The following CDK6 variants were observed in gnomAD, a reference collection of about 807,000 sequenced individuals.
The protein encoded by CDK6 is cyclin-dependent kinase 6.
A neutral mutation model predicts 37.1 loss-of-function variants in CDK6; 6 were observed. The observed-to-expected ratio is 0.16, with a 90% confidence interval of 0.09 to 0.32. The LOEUF (loss-of-function observed/expected upper bound fraction) is 0.32, where lower values mean the gene tolerates loss of function less well. CDK6 is among the 10% of genes least tolerant of loss of function. The pLI is 1.00. For synonymous variants in CDK6, 160 were observed against 161.3 expected (o/e 0.99, Z 0.06); for missense variants, 224 against 418.9 (o/e 0.53, Z 4.06).
intron 2 of CDK6, among the ~76,000 whole-genome samples, chr7:92,787,120 T>C (rs1179942685): frequency 6.8e-6 from 1 of 146,342 alleles, no homozygotes; most frequent in Non-Finnish European, 1.5e-5. Context: ...AGGCGGAGGT[T>C]GCCGTGAGCA....
At chr7:92,682,682 G>A (rs1241954768) in intron 4 of CDK6, among the ~76,000 whole-genome samples, 1 of 152,166 alleles carries the variant, frequency 6.6e-6, no homozygotes, top group Non-Finnish European at 1.5e-5. Context: ...CAGCAGAATG[G>A]AGAGTTACAG....
At chr7:92,726,355 T>C (rs1204801817) in intron 3 of CDK6, among the ~76,000 whole-genome samples, 1 of 152,318 alleles carries the variant, frequency 6.6e-6, no homozygotes, top group East Asian at 1.9e-4. Context: ...AAGAAACTGA[T>C]ACACAGATGT....
chr7:92,660,573 G>T (rs1011122610), intron 5 of CDK6, among the ~76,000 whole-genome samples: 4 of 152,122 alleles, frequency 2.6e-5, no homozygotes, highest in African/African-American at 9.7e-5. Context: ...GTGATAATAA[G>T]AATATTAATT....
At chr7:92,623,916 A>ATT (rs1795865632) in intron 5 of CDK6, among the ~76,000 whole-genome samples, 1 of 152,162 alleles carries the variant, frequency 6.6e-6, no homozygotes, top group African/African-American at 2.4e-5. Context: ...TTCCTCAACA[A>ATT]ATGCCATAAA....
chr7:92,655,034 C>G (rs1045305642), intron 5 of CDK6, among the ~76,000 whole-genome samples: 1 of 143,770 alleles, frequency 7.0e-6, no homozygotes, highest in African/African-American at 2.6e-5. Flanking sequence ...TTTGTAGAGA[C>G]AGAGTCTCCC....
At chr7:92,818,648 T>C (rs183525386) in intron 2 of CDK6, among the ~76,000 whole-genome samples, 6 of 151,928 alleles carry the variant, frequency 3.9e-5, no homozygotes, top group African/African-American at 1.4e-4. Flanking sequence ...ATTAAGGAAA[T>C]GAAAAGGTAA....
At chr7:92,729,326 C>T (rs1798588383) in intron 3 of CDK6, among the ~76,000 whole-genome samples, 1 of 152,184 alleles carries the variant, frequency 6.6e-6, no homozygotes, top group Non-Finnish European at 1.5e-5. Context: ...TGCAATGAAA[C>T]TACAGATACC....
intron 2 of CDK6, among the ~76,000 whole-genome samples, chr7:92,817,134 T>C (rs1489224010): frequency 6.6e-6 from 1 of 151,890 alleles, no homozygotes; most frequent in East Asian, 1.9e-4. Context: ...AGAATGCCAA[T>C]CCTACACAAA....
rs191105831 is a variant in CDK6, at chr7:92,722,771, T to C, written c.537+2855A>G. Among the ~76,000 whole-genome samples the C allele has an allele frequency of 1.5e-3, 230 of 152,350 alleles. 3 individuals are homozygous for C. The highest frequency in any genetic ancestry group is 1.6e-4 in the Non-Finnish European group (11 of 68,032). ...AATTTATTCACTGAAAAATATTTCC[T>C]GAGTGCCTATCAAAATAAACAAGGC... is the stretch of plus-strand genomic sequence containing the variant. On this transcript the variant is annotated intron_variant, in intron 4 of 7. Coordinates refer to ENST00000424848, the MANE Select transcript of CDK6 (RefSeq NM_001145306.2).
intron 4 of CDK6, chr7:92,710,775 G>C: frequency 1.0e-6 from 1 of 985,336 alleles, no homozygotes. Flanking sequence ...CAGATGGAGA[G>C]GTGGGGAAAA....
intron 4 of CDK6, among the ~76,000 whole-genome samples, chr7:92,711,552 A>ATTTTTTTTTTTTT (rs11285626): frequency 2.5e-4 from 14 of 56,628 alleles, no homozygotes; most frequent in African/African-American, 1.1e-3. Flanking sequence ...GAATGGTCAA[A>ATTTTTTTTTTTTT]TTTTTTTTTT....
chr7:92,632,210 T>A (rs1256953974), intron 5 of CDK6, among the ~76,000 whole-genome samples: 1 of 152,118 alleles, frequency 6.6e-6, no homozygotes, highest in African/African-American at 2.4e-5. Context: ...GTCAGCAAAA[T>A]GACATCTTTC....
chr7:92,695,298 G>GAAAT (rs1421036891), intron 4 of CDK6, among the ~76,000 whole-genome samples: 8 of 150,798 alleles, frequency 5.3e-5, no homozygotes, highest in African/African-American at 1.7e-4. Context: ...AAGAAAGAAA[G>GAAAT]AAAGAAAAAA....
chr7:92,706,072 T>A (rs968498282), intron 4 of CDK6, among the ~76,000 whole-genome samples: 3 of 152,232 alleles, frequency 2.0e-5, no homozygotes, highest in Non-Finnish European at 1.5e-5. Context: ...AAGAAGTGTA[T>A]GTTATCTGTG....
At position 92,629,353 on chromosome 7, in the gene CDK6, C is replaced by T. The variant is rs17766824; in HGVS notation, c.648-6267G>A. Among the ~76,000 whole-genome samples the T allele has an allele frequency of 1.6e-3, 245 of 152,030 alleles. 1 individual carries two copies. The highest frequency in any genetic ancestry group is 4.1e-3 in the South Asian group (20 of 4,822). ...TTACCGATGTGAATAATTTATTTAT[C>T]CACAGAGGGCTCATATTTACTGGAC... On this transcript the variant is annotated intron_variant, in intron 5 of 7. Coordinates refer to ENST00000424848, the MANE Select transcript of CDK6 (RefSeq NM_001145306.2).
chr7:92,827,061 T>C (rs1801341181), intron 2 of CDK6, among the ~76,000 whole-genome samples: 1 of 152,210 alleles, frequency 6.6e-6, no homozygotes, highest in African/African-American at 2.4e-5. Context: ...GTCTGAATCT[T>C]AGCCATCCTC....
At chr7:92,641,666 A>G (rs956456894) in intron 5 of CDK6, among the ~76,000 whole-genome samples, 5 of 152,228 alleles carry the variant, frequency 3.3e-5, no homozygotes, top group African/African-American at 1.2e-4. Context: ...ACAGATTTTT[A>G]TAAGATTTTT....
intron 5 of CDK6, among the ~76,000 whole-genome samples, chr7:92,629,803 T>C (rs904037352): frequency 2.6e-5 from 4 of 152,162 alleles, no homozygotes; most frequent in Non-Finnish European, 5.9e-5. Flanking sequence ...CTTGTGGTTC[T>C]GTAGGGTGGA....
Position 92,607,903 on chromosome 7 carries a change from T to G in CDK6, c.*7237A>C, listed in dbSNP as rs763397192. The stretch of plus-strand genomic sequence containing the variant: ...CAGAATGAAAAGATATATCATGCAC[T>G]GTGAGGTTTAAGAAATGTATTACTG... On this transcript the variant is annotated 3_prime_UTR_variant, in exon 8 of 8. Transcript: ENST00000424848. 6 of 233,366 alleles carry G rather than the reference T, an allele frequency of 2.6e-5. No homozygotes were observed. Among genetic ancestry groups the G allele is most frequent in the Non-Finnish European group, 5.1e-5 (6 of 117,950 alleles). 14.5% of individuals were successfully genotyped at this position (233,366 alleles called of 1,614,324 possible). A position where few individuals can be genotyped will look rare whatever the true frequency, so the allele number is the denominator to read the frequency against.
Sources: gnomAD v4.1 joint callset for allele counts (sites outside exome capture counted in the v4.1 genomes callset) on GRCh38, gnomAD v4.1.1 for gene constraint, MANE v1.5 for transcripts, NCBI Gene and HGNC (gene_info 2026-07-23, HGNC 2026-07-21) for gene names.